The following PLCB1 variants were observed in gnomAD, a reference collection of about 807,000 sequenced individuals.
PLCB1 encodes the protein phospholipase C beta 1, also known as 1-phosphatidylinositol 4,5-bisphosphate phosphodiesterase beta-1.
In PLCB1, 46 loss-of-function variants were observed where a neutral mutation model predicts 161.8. That is an observed-to-expected ratio of 0.28 (90% CI 0.22 to 0.36). The LOEUF (loss-of-function observed/expected upper bound fraction) is 0.36, where lower values mean the gene tolerates loss of function less well. PLCB1 is among the 10% of genes least tolerant of loss of function. The probability of loss-of-function intolerance (pLI) is 1.00; values close to 1 mark genes in which losing one functional copy is unlikely to be tolerated. For missense variants in PLCB1, 1,016 were observed against 1,472.5 expected, an observed-to-expected ratio of 0.69 and a Z score of 5.07; for synonymous variants, 517 against 503.7, an observed-to-expected ratio of 1.03 and a Z score of -0.35.
At chr20:8,842,230 C>T (rs989477092) in intron 31 of PLCB1, among the ~76,000 whole-genome samples, 4 of 152,038 alleles carry the variant, frequency 2.6e-5, no homozygotes, top group African/African-American at 4.8e-5. Context: ...ACATAGAAAG[C>T]GCATGATATT....
Position 8,644,770 on chromosome 20 carries a change from G to A in PLCB1, c.385-1332G>A, listed in dbSNP as rs909743190. Among the ~76,000 whole-genome samples the A allele has an allele frequency of 4.4e-4, 67 of 152,032 alleles. 1 individual carries two copies. The highest frequency in any genetic ancestry group is 1.5e-3 in the African/African-American group (61 of 41,502). On this transcript the variant is annotated intron_variant, in intron 4 of 31. Transcript: ENST00000338037. ...AGGTGAGGGGCGCCTCTGCCCGGCC[G>A]CCCCTACTGGGAAGTGAGGGGCCCC...
intron 2 of PLCB1, among the ~76,000 whole-genome samples, chr20:8,344,238 A>G (rs1985913378): frequency 6.6e-6 from 1 of 152,216 alleles, no homozygotes. Flanking sequence ...ACTTGCCTCC[A>G]GAATGCACTG....
chr20:8,845,912 G>A (rs1600377711), intron 31 of PLCB1, among the ~76,000 whole-genome samples: 1 of 152,204 alleles, frequency 6.6e-6, no homozygotes, highest in East Asian at 1.9e-4. Context: ...TGGCTGCCAA[G>A]TGTCCTGTAG....
chr20:8,530,658 C>T (rs1450275506), intron 3 of PLCB1, among the ~76,000 whole-genome samples: 2 of 152,040 alleles, frequency 1.3e-5, no homozygotes, highest in Non-Finnish European at 2.9e-5. Context: ...TGTATATTCT[C>T]CACTCAATCA....
intron 23 of PLCB1, among the ~76,000 whole-genome samples, chr20:8,750,348 T>C (rs6056060): frequency 0.47 from 71,776 of 151,984 alleles, 17,809 homozygotes; most frequent in Non-Finnish European, 0.56. Flanking sequence ...TAAAGCTGTC[T>C]CTTGCTTCTA....
intron 2 of PLCB1, among the ~76,000 whole-genome samples, chr20:8,272,786 A>G (rs557755221): frequency 1.2e-4 from 19 of 152,270 alleles, no homozygotes; most frequent in African/African-American, 4.1e-4. Flanking sequence ...GATTGAAGAA[A>G]TAAAAAATAT....
intron 2 of PLCB1, among the ~76,000 whole-genome samples, chr20:8,212,909 AG>A: frequency 6.6e-6 from 1 of 152,008 alleles, no homozygotes; most frequent in East Asian, 1.9e-4. Flanking sequence ...CTATATCAAA[AG>A]TTGACATTGT....
At chr20:8,608,667 G>A (rs1421776731) in intron 3 of PLCB1, among the ~76,000 whole-genome samples, 1 of 152,090 alleles carries the variant, frequency 6.6e-6, no homozygotes, top group Non-Finnish European at 1.5e-5. Context: ...TTTCATAAAT[G>A]TGTTTTGTGA....
intron 2 of PLCB1, among the ~76,000 whole-genome samples, chr20:8,363,530 G>A (rs993506557): frequency 6.6e-6 from 1 of 152,056 alleles, no homozygotes; most frequent in Non-Finnish European, 1.5e-5. Context: ...CTCTCTTTTG[G>A]CTAACTTTAT....
intron 2 of PLCB1, among the ~76,000 whole-genome samples, chr20:8,215,505 GT>G (rs571192886): frequency 1.5e-3 from 234 of 152,106 alleles, no homozygotes; most frequent in African/African-American, 5.3e-3. Context: ...GTGGGGGCCA[GT>G]TTTTTCCCTT....
At chr20:8,202,222 C>T (rs2052099990) in intron 2 of PLCB1, among the ~76,000 whole-genome samples, 1 of 72 alleles carries the variant, frequency 0.014, no homozygotes, top group Non-Finnish European at 0.028. Flanking sequence ...GAATTACAGG[C>T]ATGCGCACCA....
chr20:8,231,840 G>T (rs992728286), intron 2 of PLCB1, among the ~76,000 whole-genome samples: 7 of 152,128 alleles, frequency 4.6e-5, no homozygotes, highest in Admixed American at 1.3e-4. Context: ...AATGAAGACT[G>T]GGACTGGGAA....
rs6086416 is a variant in PLCB1, at chr20:8,351,181, A to G, written c.178-20201A>G. ...ATGGAAAATAATAGCAAGCCCCCAT[A>G]TAGACCCAGATAAGTATAGTAAACT... On this transcript the variant is annotated intron_variant, in intron 2 of 31. Coordinates refer to ENST00000338037, the MANE Select transcript of PLCB1 (RefSeq NM_015192.4). Among the ~76,000 whole-genome samples, 996 of 152,260 alleles carry G rather than the reference A, an allele frequency of 6.5e-3. 12 individuals are homozygous for G. The highest frequency in any genetic ancestry group is 0.041 in the Middle Eastern group (12 of 294).
At chr20:8,376,944 A>G (rs1042019428) in intron 3 of PLCB1, among the ~76,000 whole-genome samples, 1 of 151,944 alleles carries the variant, frequency 6.6e-6, no homozygotes, top group Non-Finnish European at 1.5e-5. Context: ...AAAAAAGAAA[A>G]AGAAAGAGAA....
intron 2 of PLCB1, among the ~76,000 whole-genome samples, chr20:8,314,149 A>C (rs1173882908): frequency 1.3e-5 from 2 of 152,192 alleles, no homozygotes; most frequent in Non-Finnish European, 2.9e-5. Context: ...AGTCATCTTC[A>C]GTCCATTAGT....
chr20:8,359,411 C>A (rs8120496), intron 2 of PLCB1, among the ~76,000 whole-genome samples: 4,018 of 151,912 alleles, frequency 0.026, 179 homozygotes, highest in African/African-American at 0.09. Context: ...ATAGAATAAA[C>A]CTTTACCAAG....
At chr20:8,266,987 A>G (rs1158414605) in intron 2 of PLCB1, among the ~76,000 whole-genome samples, 31 of 151,600 alleles carry the variant, frequency 2.0e-4, no homozygotes, top group Non-Finnish European at 1.5e-5. Context: ...CAATGAGCCT[A>G]GATCGTGCCA....
chr20:8,204,954 T>C (rs569520397), intron 2 of PLCB1, among the ~76,000 whole-genome samples: 1 of 152,288 alleles, frequency 6.6e-6, no homozygotes, highest in South Asian at 2.1e-4. Context: ...TTTCTGACAT[T>C]GAATTCAGTT....
intron 31 of PLCB1, among the ~76,000 whole-genome samples, chr20:8,860,086 T>C (rs1055502428): frequency 3.3e-5 from 5 of 152,210 alleles, no homozygotes; most frequent in African/African-American, 1.2e-4. Flanking sequence ...ATTTACCAGC[T>C]GTGTTGCTTA....
Sources: gnomAD v4.1 joint callset for allele counts (sites outside exome capture counted in the v4.1 genomes callset) on GRCh38, gnomAD v4.1.1 for gene constraint, MANE v1.5 for transcripts, NCBI Gene and HGNC (gene_info 2026-07-23, HGNC 2026-07-21) for gene names.